The following RTN4RL1 variants were observed in gnomAD, a reference collection of about 807,000 sequenced individuals.
The protein encoded by RTN4RL1 is reticulon 4 receptor like 1, also known as reticulon-4 receptor-like 1.
RTN4RL1 carries 7 observed loss-of-function variants against 25.6 expected under a neutral mutation model. That is an observed-to-expected ratio of 0.27 (90% CI 0.16 to 0.51). RTN4RL1 has a LOEUF of 0.51. Among genes scored for constraint, RTN4RL1 ranks in the 20% least tolerant of loss-of-function variants. RTN4RL1 has a pLI of 0.97. For missense variants in RTN4RL1, 500 were observed against 615.6 expected (o/e 0.81, Z 1.99); for synonymous variants, 297 against 288.2 (o/e 1.03, Z -0.31).
At chr17:1,989,388 C>G (rs1397593539) in intron 1 of RTN4RL1, among the ~76,000 whole-genome samples, 2 of 151,462 alleles carry the variant, frequency 1.3e-5, no homozygotes, top group African/African-American at 4.9e-5. Flanking sequence ...ACTCACTGTG[C>G]TTGCAGGCAA....
intron 1 of RTN4RL1, among the ~76,000 whole-genome samples, chr17:1,999,139 T>TA (rs1230770315): frequency 1.2e-5 from 1 of 82,950 alleles, no homozygotes; most frequent in African/African-American, 7.0e-5. Flanking sequence ...TGTGTGCTCA[T>TA]CATACACACA....
chr17:1,944,056 G>T (rs1377211224), intron 1 of RTN4RL1, among the ~76,000 whole-genome samples: 1 of 152,028 alleles, frequency 6.6e-6, no homozygotes, highest in Non-Finnish European at 1.5e-5. Flanking sequence ...CTCCCAGACA[G>T]CTTGGAATAT....
At chr17:1,961,947 C>A (rs1377065654) in intron 1 of RTN4RL1, among the ~76,000 whole-genome samples, 136 of 104,942 alleles carry the variant, frequency 1.3e-3, no homozygotes, top group Middle Eastern at 4.7e-3. Context: ...GACTCTGCCT[C>A]AAAAAAAAAA....
At chr17:1,991,964 G>A (rs1056063134) in intron 1 of RTN4RL1, among the ~76,000 whole-genome samples, 2 of 152,186 alleles carry the variant, frequency 1.3e-5, no homozygotes, top group African/African-American at 2.4e-5. Context: ...CAGAAGAGGA[G>A]AGACGTGTAC....
chr17:2,014,521 A>T (rs1445610510), intron 1 of RTN4RL1, among the ~76,000 whole-genome samples: 1 of 152,122 alleles, frequency 6.6e-6, no homozygotes, highest in Non-Finnish European at 1.5e-5. Context: ...TGCTTGAGCA[A>T]ATCCTTCAAG....
Position 2,009,910 on chromosome 17 carries a change from T to C in RTN4RL1, c.13+14943A>G, listed in dbSNP as rs1173894939. ...CCCAGCCACGGAGACAGCCAGGTAC[T>C]GTAGCAAGCACATGCCTGACGCAGG... On this transcript the variant is annotated intron_variant, in intron 1 of 1. Transcript: ENST00000331238. 1.6e-5 allele frequency among the ~76,000 whole-genome samples: 2 copies of C among 128,958 alleles called. 1 individual carries two copies. The highest frequency in any genetic ancestry group is 5.9e-5 in the African/African-American group (2 of 33,872). 84.6% of individuals were successfully genotyped at this position (128,958 alleles called of 152,430 possible).
At position 2,007,957 on chromosome 17, in the gene RTN4RL1, A is replaced by C. The variant is rs749931752; in HGVS notation, c.13+16896T>G. ...CAAGACTCCGTCTCAAAAAAAACCC[A>C]AAAAAATAAACAACAACAAAAAGCT... On this transcript the variant is annotated intron_variant, in intron 1 of 1. Coordinates refer to ENST00000331238, the MANE Select transcript of RTN4RL1 (RefSeq NM_178568.4). Among the ~76,000 whole-genome samples the C allele has an allele frequency of 3.5e-4, 53 of 150,850 alleles. 1 individual carries two copies. The highest frequency in any genetic ancestry group is 5.9e-4 in the Non-Finnish European group (40 of 67,728).
chr17:2,002,353 C>T (rs528297710), intron 1 of RTN4RL1, among the ~76,000 whole-genome samples: 37 of 149,840 alleles, frequency 2.5e-4, no homozygotes, highest in Admixed American at 4.7e-4. Context: ...AGTGCAGTGG[C>T]GCGATCTCGG....
At chr17:2,004,292 T>C (rs1394017461) in intron 1 of RTN4RL1, among the ~76,000 whole-genome samples, 11 of 128,164 alleles carry the variant, frequency 8.6e-5, no homozygotes, top group South Asian at 4.9e-4. Context: ...GATGTGAACC[T>C]GGGAGGCGGA....
intron 1 of RTN4RL1, among the ~76,000 whole-genome samples, chr17:2,023,429 T>TC (rs1164129848): frequency 1.3e-5 from 2 of 152,022 alleles, no homozygotes; most frequent in Non-Finnish European, 2.9e-5. Flanking sequence ...AGCCGGCGTT[T>TC]CCCCCTGAAC....
intron 1 of RTN4RL1, among the ~76,000 whole-genome samples, chr17:2,022,849 G>C (rs1386748380): frequency 1.3e-5 from 2 of 152,228 alleles, no homozygotes; most frequent in African/African-American, 2.4e-5. Flanking sequence ...AACAGCCCGA[G>C]TGGCAAACAC....
At chr17:2,024,445 G>A (rs1003796147) in intron 1 of RTN4RL1, among the ~76,000 whole-genome samples, 1 of 151,758 alleles carries the variant, frequency 6.6e-6, no homozygotes, top group Non-Finnish European at 1.5e-5. Context: ...CTGGCTGCAC[G>A]GGGGCGCCGT....
At chr17:1,938,519 C>T (rs992155064) in intron 1 of RTN4RL1, among the ~76,000 whole-genome samples, 2 of 151,578 alleles carry the variant, frequency 1.3e-5, no homozygotes, top group African/African-American at 4.8e-5. Flanking sequence ...CCAGGCTGGT[C>T]TCGAACTCCC....
At chr17:1,959,043 G>A (rs1374275711) in intron 1 of RTN4RL1, among the ~76,000 whole-genome samples, 1 of 152,238 alleles carries the variant, frequency 6.6e-6, no homozygotes, top group Non-Finnish European at 1.5e-5. Context: ...CACGCCGGTG[G>A]GCGAGCGGGA....
intron 1 of RTN4RL1, among the ~76,000 whole-genome samples, chr17:1,958,254 A>T (rs2151309156): frequency 6.6e-6 from 1 of 152,286 alleles, no homozygotes; most frequent in East Asian, 1.9e-4. Context: ...GTCAAGATTC[A>T]AACAAGATTG....
chr17:2,023,818 G>A (rs958382724), intron 1 of RTN4RL1, among the ~76,000 whole-genome samples: 2 of 152,174 alleles, frequency 1.3e-5, no homozygotes, highest in African/African-American at 4.8e-5. Flanking sequence ...GTGGAGCGCA[G>A]GGATCAGGCC....
rs1310986933 is a variant in RTN4RL1 at position 1,936,631 on chromosome 17, C to T, written c.1191G>A (p.Arg397=). ...KFSFDIMPTA[R]PKRKGKCARR... ...GGGCACACTTGCCCTTCCTCTTGGG[C>T]CGGGCCGTAGGCATGATGTCAAAAC... Residue 397 remains arginine, a synonymous_variant, in exon 2 of 2, where the codon CGG becomes CGA. Coordinates refer to ENST00000331238, the MANE Select transcript of RTN4RL1 (RefSeq NM_178568.4). The T allele has an allele frequency of 1.3e-6, 2 of 1,595,016 alleles. No individual in the cohort carries two copies. The highest frequency in any genetic ancestry group is 1.8e-5 in the Admixed American group (1 of 56,246).
chr17:1,935,815 A>C lies in RTN4RL1; in HGVS notation c.*681T>G. 8.2e-6 allele frequency: 8 copies of C among 977,700 alleles called. No individual in the cohort carries two copies. The highest frequency in any genetic ancestry group is 9.7e-6 in the Non-Finnish European group (8 of 827,500). 60.6% of individuals were successfully genotyped at this position (977,700 alleles called of 1,614,324 possible). A position where few individuals can be genotyped will look rare whatever the true frequency, so the allele number is the denominator to read the frequency against. ...TTATAAAACTGCACCTTCTGTGAGA[A>C]CCTCATTGCCCGGGATGAAGTTCTA... On this transcript the variant is annotated 3_prime_UTR_variant, in exon 2 of 2. Transcript: ENST00000331238.
At chr17:1,984,664 G>T (rs28411778) in intron 1 of RTN4RL1, among the ~76,000 whole-genome samples, 10,404 of 152,262 alleles carry the variant, frequency 0.068, 963 homozygotes, top group African/African-American at 0.21. Flanking sequence ...CCTGCCCCGA[G>T]GCCTTCAAGA....
Sources: allele counts gnomAD v4.1 joint callset (sites outside exome capture counted in the v4.1 genomes callset), GRCh38; gene constraint gnomAD v4.1.1; transcripts MANE v1.5; gene names NCBI Gene and HGNC (gene_info 2026-07-23, HGNC 2026-07-21).